The following CFAP54 variants were observed in gnomAD, a reference collection of about 807,000 sequenced individuals.
The protein encoded by CFAP54 is cilia- and flagella-associated protein 54.
In CFAP54, 290 loss-of-function variants were observed where a neutral mutation model predicts 370.4. The observed-to-expected ratio is 0.78, with a 90% CI of 0.71 to 0.86. The LOEUF (loss-of-function observed/expected upper bound fraction) is 0.86. Among genes scored for constraint, CFAP54 ranks in the 40% least tolerant of loss-of-function variants. CFAP54 has a pLI of 0.00. For synonymous variants in CFAP54, 1,206 were observed against 1,236.5 expected, an observed-to-expected ratio of 0.98 and a Z score of 0.52; for missense variants, 3,399 against 3,528.7, an observed-to-expected ratio of 0.96 and a Z score of 0.93.
chr12:96,717,548 C>T (rs1329970571), intron 48 of CFAP54, among the ~76,000 whole-genome samples: 3 of 152,236 alleles, frequency 2.0e-5, no homozygotes, highest in African/African-American at 4.8e-5. Flanking sequence ...TTCTCTCCCA[C>T]AGTCTAGAAG....
At chr12:96,642,344 T>A (rs1481767139) in intron 32 of CFAP54, among the ~76,000 whole-genome samples, 1 of 152,162 alleles carries the variant, frequency 6.6e-6, no homozygotes, top group Non-Finnish European at 1.5e-5. Context: ...GAATCTAAGT[T>A]GTGAGGGCTA....
chr12:96,834,382 C>T (rs981990436), intron 66 of CFAP54, among the ~76,000 whole-genome samples: 6 of 152,238 alleles, frequency 3.9e-5, no homozygotes, highest in South Asian at 2.1e-4. Flanking sequence ...TGGCAGGCTG[C>T]GCTTGGCTCA....
intron 19 of CFAP54, among the ~76,000 whole-genome samples, chr12:96,575,853 C>T (rs1454413195): frequency 6.6e-6 from 1 of 152,036 alleles, no homozygotes; most frequent in Non-Finnish European, 1.5e-5. Context: ...TTTATCAACA[C>T]TTTAATTTTA....
chr12:96,620,363 G>A (rs1039593245), intron 26 of CFAP54, among the ~76,000 whole-genome samples: 2 of 152,154 alleles, frequency 1.3e-5, no homozygotes, highest in Non-Finnish European at 2.9e-5. Flanking sequence ...CTGTTCTGGT[G>A]ATAGTGAATA....
intron 25 of CFAP54, among the ~76,000 whole-genome samples, chr12:96,597,878 C>T (rs1165153813): frequency 6.6e-6 from 1 of 151,742 alleles, no homozygotes; most frequent in Non-Finnish European, 1.5e-5. Context: ...AGGGTGTTCA[C>T]ATGATTTAGG....
intron 4 of CFAP54, among the ~76,000 whole-genome samples, chr12:96,510,252 C>CA (rs199654204): frequency 0.022 from 1,965 of 88,154 alleles, 39 homozygotes; most frequent in African/African-American, 0.052. Context: ...GACTCCATCT[C>CA]AAAAAAAAAA....
chr12:96,691,359 C>G (rs368684576), intron 44 of CFAP54, 49 bp downstream of exon 44: 3 of 1,348,512 alleles, frequency 2.2e-6, no homozygotes, highest in Non-Finnish European at 3.0e-6. Flanking sequence ...ATATTTTGCT[C>G]CACTTACCTC....
intron 25 of CFAP54, among the ~76,000 whole-genome samples, chr12:96,596,702 G>A (rs770718305): frequency 1.3e-4 from 19 of 151,858 alleles, no homozygotes; most frequent in Non-Finnish European, 2.2e-4. Context: ...CAGCAACAAA[G>A]AACCTATGTG....
chr12:96,842,947 A>G (rs887019403), intron 66 of CFAP54, among the ~76,000 whole-genome samples: 1 of 152,224 alleles, frequency 6.6e-6, no homozygotes, highest in Non-Finnish European at 1.5e-5. Flanking sequence ...GCCAGTTACT[A>G]TTGGCTGCCT....
In CFAP54 at chr12:96,757,517, G is replaced by C. The variant is rs756024134; in HGVS notation, c.7969G>C (p.Glu2657Gln). Residue 2657 changes from glutamate to glutamine, a missense_variant, in exon 58 of 68, where the codon GAA becomes CAA. Glu to Gln is a conservative substitution (Grantham distance 29, BLOSUM62 2). Around this residue, in one of 3 missense-constraint regions of CFAP54, gnomAD observed 2,796 missense variants for 2,869.7 expected, o/e 0.97. Transcript: ENST00000524981. ...TAGATTGATAAGAGACTCCTACCTA[G>C]AAATGGCTCTATTGTATTTTCATCT... The part of the protein sequence containing the change: ...NSGLIRDSYL[E>Q]MALLYFHLKK... The C allele has an allele frequency of 5.6e-6, 9 of 1,594,034 alleles. No homozygotes were observed. In the Admixed American group the frequency reaches 1.5e-4, roughly 27 times the overall value.
intron 20 of CFAP54, 96 bp from the exon 21 acceptor site, chr12:96,580,501 A>G: frequency 1.6e-6 from 1 of 641,100 alleles, no homozygotes; most frequent in Non-Finnish European, 2.4e-6. Context: ...ATGTTTTAAA[A>G]CCTGAATCAT....
intron 12 of CFAP54, among the ~76,000 whole-genome samples, chr12:96,536,578 AAGGT>A (rs1419711845): frequency 6.6e-6 from 1 of 152,012 alleles, no homozygotes; most frequent in African/African-American, 2.4e-5. Flanking sequence ...AAGGCTTAAA[AAGGT>A]AGGGAACTTT....
intron 50 of CFAP54, among the ~76,000 whole-genome samples, chr12:96,735,752 G>A (rs183295571): frequency 2.0e-5 from 3 of 152,252 alleles, no homozygotes; most frequent in Non-Finnish European, 4.4e-5. Context: ...ATAAAAATAT[G>A]TTGGTTCATT....
At chr12:96,808,544 A>G (rs1466759481) in intron 63 of CFAP54, among the ~76,000 whole-genome samples, 3 of 152,216 alleles carry the variant, frequency 2.0e-5, no homozygotes, top group African/African-American at 7.2e-5. Flanking sequence ...TCTCAGTCAC[A>G]TAGGACACAG....
intron 48 of CFAP54, among the ~76,000 whole-genome samples, chr12:96,712,888 A>G (rs1464028248): frequency 2.6e-5 from 4 of 152,240 alleles, no homozygotes; most frequent in South Asian, 2.1e-4. Flanking sequence ...ACCTGGATAG[A>G]TATTTATCAA....
At chr12:96,648,089 A>G (rs1265341719) in intron 34 of CFAP54, 72 bp downstream of exon 34, 3 of 1,177,004 alleles carry the variant, frequency 2.5e-6, no homozygotes, top group Non-Finnish European at 3.4e-6. Flanking sequence ...CAGCACACAT[A>G]CACATTGTGG....
In CFAP54 at chr12:96,875,388, A is replaced by C. The variant is rs1960282183; in HGVS notation, c.*285A>C. The C allele has an allele frequency of 6.6e-6, 1 of 152,174 alleles. No individual in the cohort carries two copies. Among genetic ancestry groups the C allele is most frequent in the East Asian group, 1.9e-4 (1 of 5,198 alleles). 9.4% of individuals were successfully genotyped at this position (152,174 alleles called of 1,614,324 possible). Reference sequence around the variant, plus strand: ...GTTTCAGCTCCCAGTAGGGCAGTTTAACTCCTATCTTCTCTGTGAGTTCCA... The same window carrying C: ...GTTTCAGCTCCCAGTAGGGCAGTTTCACTCCTATCTTCTCTGTGAGTTCCA... On this transcript the variant is annotated 3_prime_UTR_variant, in exon 68 of 68. Transcript: ENST00000524981.
chr12:96,791,423 T>TA (rs1958692022), intron 62 of CFAP54, among the ~76,000 whole-genome samples: 1 of 152,200 alleles, frequency 6.6e-6, no homozygotes, highest in Non-Finnish European at 1.5e-5. Flanking sequence ...AATTGCATTC[T>TA]ATACATTTAT....
intron 60 of CFAP54, among the ~76,000 whole-genome samples, chr12:96,775,172 G>A (rs7133416): frequency 0.39 from 58,608 of 151,848 alleles, 12,069 homozygotes; most frequent in South Asian, 0.54. Context: ...ACTCACGCCT[G>A]TAATCCTGAC....
Sources: gnomAD v4.1 joint callset for allele counts (sites outside exome capture counted in the v4.1 genomes callset) on GRCh38, gnomAD v4.1.1 for gene constraint, gnomAD v4.1.1 regional missense constraint, MANE v1.5 for transcripts, NCBI Gene and HGNC (gene_info 2026-07-23, HGNC 2026-07-21) for gene names.